The following TRAPPC9 variants were observed in gnomAD, a reference collection of about 807,000 sequenced individuals.
The protein encoded by TRAPPC9 is trafficking protein particle complex subunit 9, also known as IKK2 binding protein.
TRAPPC9 carries 83 observed loss-of-function variants against 124.0 expected under a neutral mutation model. The observed-to-expected ratio is 0.67, with a 90% confidence interval of 0.56 to 0.80. The LOEUF is 0.80. TRAPPC9 is among the 30% of genes least tolerant of loss of function. The pLI is 0.00. For synonymous variants in TRAPPC9, 638 were observed against 617.5 expected (o/e 1.03, Z -0.49); for missense variants, 1,302 against 1,508.3 (o/e 0.86, Z 2.27).
Position 140,018,324 on chromosome 8 carries a change from A to ATTTTTTCTTTTTTCTTTTTTTTTTTTTTT in TRAPPC9, c.2699+5612_2699+5613insAAAAAAAAAAAAAAAGAAAAAAGAAAAAA, listed in dbSNP as rs765656679. Among the ~76,000 whole-genome samples, 5 of 119,784 alleles carry ATTTTTTCTTTTTTCTTTTTTTTTTTTTTT rather than the reference A, an allele frequency of 4.2e-5. 1 individual carries two copies. The highest frequency in any genetic ancestry group is 1.6e-4 in the African/African-American group (5 of 30,694). 78.6% of individuals were successfully genotyped at this position (119,784 alleles called of 152,430 possible). On this transcript the variant is annotated intron_variant, in intron 18 of 22. Coordinates refer to ENST00000438773, the MANE Select transcript of TRAPPC9 (RefSeq NM_001160372.4). ...TTGCTGGTATATAGAAACGTAAGTGATTTTTTTTTTTTTTTTTGAGACGGA... is the reference window on the plus strand; with the variant it reads ...TTGCTGGTATATAGAAACGTAAGTGATTTTTTCTTTTTTCTTTTTTTTTTTTTTTTTTTTTTTTTTTTTTTTGAGACGGA...
intron 17 of TRAPPC9, among the ~76,000 whole-genome samples, chr8:140,178,487 C>T (rs1263299110): frequency 4.6e-5 from 7 of 152,038 alleles, no homozygotes; most frequent in African/African-American, 1.7e-4. Flanking sequence ...TCATAGAATG[C>T]TGCATTCTTT....
intron 11 of TRAPPC9, among the ~76,000 whole-genome samples, chr8:140,297,582 A>C (rs1031551749): frequency 1.1e-4 from 17 of 152,210 alleles, no homozygotes; most frequent in African/African-American, 4.1e-4. Context: ...TCTAACAGTG[A>C]ACAGCTAGAA....
At chr8:140,426,729 T>G in intron 4 of TRAPPC9, 88 bp from the exon 5 acceptor site, 1 of 1,272,256 alleles carries the variant, frequency 7.9e-7, no homozygotes, top group East Asian at 2.3e-5. Flanking sequence ...ATAATTCACA[T>G]AGCCTAGAGA....
At chr8:140,067,305 A>G (rs1842938931) in intron 17 of TRAPPC9, among the ~76,000 whole-genome samples, 1 of 152,104 alleles carries the variant, frequency 6.6e-6, no homozygotes, top group South Asian at 2.1e-4. Context: ...CACCAAACCC[A>G]GCTAATTTTT....
intron 20 of TRAPPC9, among the ~76,000 whole-genome samples, chr8:139,898,892 G>A (rs1376191774): frequency 2.0e-5 from 3 of 151,980 alleles, no homozygotes; most frequent in Non-Finnish European, 4.4e-5. Flanking sequence ...GGCTGAGGTG[G>A]GCGGATCACC....
Position 140,405,814 on chromosome 8 carries a change from T to C in TRAPPC9, c.887-116A>G. On this transcript the variant is annotated intron_variant, in intron 5 of 22. Coordinates refer to ENST00000438773, the MANE Select transcript of TRAPPC9 (RefSeq NM_001160372.4). ...ATATGCCCTACTGAAATTTAAATAATGTAAGTGTTTAGTCTTCACAGCTTA... is the reference window on the plus strand; with the variant it reads ...ATATGCCCTACTGAAATTTAAATAACGTAAGTGTTTAGTCTTCACAGCTTA... The C allele has an allele frequency of 4.1e-6, 5 of 1,206,534 alleles. No individual in the cohort carries two copies. In the East Asian group the frequency reaches 7.6e-5, roughly 18 times the overall value. 74.7% of individuals were successfully genotyped at this position (1,206,534 alleles called of 1,614,324 possible). A position where few individuals can be genotyped will look rare whatever the true frequency, so the allele number is the denominator to read the frequency against.
At chr8:139,783,854 C>T (rs942581515) in intron 21 of TRAPPC9, among the ~76,000 whole-genome samples, 6 of 152,168 alleles carry the variant, frequency 3.9e-5, no homozygotes, top group Non-Finnish European at 5.9e-5. Context: ...AATCAATCAA[C>T]GTAATTCACC....
intron 21 of TRAPPC9, among the ~76,000 whole-genome samples, chr8:139,876,294 G>A (rs1829316962): frequency 6.6e-6 from 1 of 152,196 alleles, no homozygotes; most frequent in Non-Finnish European, 1.5e-5. Flanking sequence ...GCTGGCTCAG[G>A]GCAGAAGGTG....
intron 17 of TRAPPC9, among the ~76,000 whole-genome samples, chr8:140,184,099 G>A (rs1206750569): frequency 6.6e-6 from 1 of 152,062 alleles, no homozygotes; most frequent in African/African-American, 2.4e-5. Context: ...TGGGCTGAGA[G>A]TGGGGGCAGG....
At chr8:139,784,543 C>A (rs1383027578) in intron 21 of TRAPPC9, among the ~76,000 whole-genome samples, 1 of 148,314 alleles carries the variant, frequency 6.7e-6, no homozygotes, top group African/African-American at 2.5e-5. Flanking sequence ...CATTGCACTC[C>A]AGCCTGGGCA....
At position 140,445,135 on chromosome 8, in the gene TRAPPC9, C is replaced by T. The variant is rs80215113; in HGVS notation, c.584+5655G>A. ...CCAACAGGCATCTCAAAAACACTTC[C>T]CCCATGGCCTCCCAGTTTCCCCCAT... On this transcript the variant is annotated intron_variant, in intron 2 of 22. Coordinates refer to ENST00000438773, the MANE Select transcript of TRAPPC9 (RefSeq NM_001160372.4). 1.3e-4 allele frequency among the ~76,000 whole-genome samples: 20 copies of T among 152,328 alleles called. No individual in the cohort carries two copies. The East Asian group carries it at 3.7e-3, about 28-fold the overall frequency.
chr8:140,169,174 G>A (rs2061910968), intron 17 of TRAPPC9, among the ~76,000 whole-genome samples: 1 of 152,138 alleles, frequency 6.6e-6, no homozygotes, highest in Non-Finnish European at 1.5e-5. Context: ...GTTTTTTACA[G>A]TGAACATAGA....
chr8:139,979,645 G>C (rs1836748111), intron 19 of TRAPPC9, among the ~76,000 whole-genome samples: 1 of 152,104 alleles, frequency 6.6e-6, no homozygotes, highest in Non-Finnish European at 1.5e-5. Flanking sequence ...CGAACCTCTA[G>C]TACAGCAAGA....
At chr8:139,912,509 A>C (rs934744974) in intron 19 of TRAPPC9, among the ~76,000 whole-genome samples, 1 of 152,200 alleles carries the variant, frequency 6.6e-6, no homozygotes, top group Non-Finnish European at 1.5e-5. Flanking sequence ...ACTCTCAGGA[A>C]CTGTTCCCAG....
chr8:140,371,063 G>A lies in TRAPPC9; in HGVS notation c.1252C>T (p.Pro418Ser). 2 of 1,614,226 alleles carry A rather than the reference G, an allele frequency of 1.2e-6. No individual in the cohort carries two copies. The highest frequency in any genetic ancestry group is 2.2e-5 in the South Asian group (2 of 91,084). Residue 418 changes from proline (P) to serine (S), a missense_variant, in exon 8 of 23, where the codon CCA (proline) becomes TCA (serine). By Grantham distance (74) the Pro-to-Ser change is moderately conservative. This residue lies in a region of TRAPPC9 where 657 missense variants were observed against 811.2 expected (regional missense o/e 0.81). Coordinates refer to ENST00000438773, the MANE Select transcript of TRAPPC9 (RefSeq NM_001160372.4). ...CTCCACCCAGGCTCCGCGATGCTTG[G>A]GGCCACGCACTGCATGGCGGCCACG... ...KRVAAMQCVA[P>S]SIAEPGWRAC...
At chr8:140,067,579 CAAAGA>C (rs1279600204) in intron 17 of TRAPPC9, among the ~76,000 whole-genome samples, 1 of 152,138 alleles carries the variant, frequency 6.6e-6, no homozygotes, top group East Asian at 1.9e-4. Flanking sequence ...TGCATCTAAG[CAAAGA>C]AAAGAACTGA....
chr8:140,230,263 T>G (rs1159446835), intron 16 of TRAPPC9, among the ~76,000 whole-genome samples: 1 of 152,212 alleles, frequency 6.6e-6, no homozygotes, highest in Non-Finnish European at 1.5e-5. Context: ...GACAGTCCTG[T>G]TAGCAGAAGG....
At chr8:140,203,346 G>GA (rs2062839236) in intron 17 of TRAPPC9, among the ~76,000 whole-genome samples, 1 of 152,208 alleles carries the variant, frequency 6.6e-6, no homozygotes, top group Non-Finnish European at 1.5e-5. Context: ...GGAGGAATGT[G>GA]AAATTTCTCT....
At chr8:140,233,768 A>C (rs1017157185) in intron 16 of TRAPPC9, among the ~76,000 whole-genome samples, 3 of 151,248 alleles carry the variant, frequency 2.0e-5, no homozygotes, top group Non-Finnish European at 4.4e-5. Context: ...AAAAAAAAAA[A>C]ACCTTTTCCT....
Sources: gnomAD v4.1 joint callset for allele counts (sites outside exome capture counted in the v4.1 genomes callset) on GRCh38, gnomAD v4.1.1 for gene constraint, gnomAD v4.1.1 regional missense constraint, MANE v1.5 for transcripts, NCBI Gene and HGNC (gene_info 2026-07-23, HGNC 2026-07-21) for gene names.